Variants in MTCL1 observed in about 807,000 individuals in gnomAD.
MTCL1 encodes the protein microtubule crosslinking factor 1.
A neutral mutation model predicts 141.4 loss-of-function variants in MTCL1; 79 were observed. The ratio of observed to expected loss-of-function variants is 0.56; its 90% confidence interval spans 0.47 to 0.67. MTCL1 has a LOEUF of 0.67. Ranked by LOEUF, MTCL1 falls within the 30% of genes least tolerant of loss-of-function variation. The pLI is 0.00. For missense variants in MTCL1, 2,177 were observed against 2,113.9 expected (o/e 1.03, Z -0.59); for synonymous variants, 914 against 875.8 (o/e 1.04, Z -0.77).
chr18:8,829,844 A>G lies in MTCL1; in HGVS notation c.*18+880A>G, dbSNP rs769874212. The G allele has an allele frequency of 1.0e-5, 10 of 985,146 alleles. No homozygotes were observed. The African/African-American group carries it at 1.4e-4, about 14-fold the overall frequency. The allele number at this position is 985,146 out of a possible 1,614,324, so 61.0% of individuals were successfully genotyped here. ...AAAGCGCAGCATCGTTTGCTTGTAC[A>G]TGCCGGTGTGTTACTAAGGAAAAGG... On this transcript the variant is annotated intron_variant, in intron 16 of 16. Coordinates refer to ENST00000359865, the Ensembl canonical transcript of MTCL1.
At chr18:8,787,030 G>A (rs2096558715) in intron 7 of MTCL1, 1 of 155,356 alleles carries the variant, frequency 6.4e-6, no homozygotes, top group Non-Finnish European at 1.4e-5. Flanking sequence ...TTCAAGGTGT[G>A]TCACACATAG....
chr18:8,819,944 G>C (rs1174287506), intron 13 of MTCL1, among the ~76,000 whole-genome samples: 3 of 152,008 alleles, frequency 2.0e-5, no homozygotes, highest in Non-Finnish European at 2.9e-5. Context: ...ACAGTCTTCT[G>C]AGTCTAGAAA....
At chr18:8,789,489 T>C (rs1252696603) in intron 7 of MTCL1, 16 of 985,354 alleles carry the variant, frequency 1.6e-5, no homozygotes, top group Non-Finnish European at 1.7e-5. Context: ...GGAAGTAATT[T>C]GTAAGCCACT....
exon 1 of MTCL1, chr18:8,706,455 G>A (rs2096058640): frequency 8.1e-7 from 1 of 1,236,090 alleles, no homozygotes; most frequent in Non-Finnish European, 1.0e-6. Flanking sequence ...GCAGCCCCGA[G>A]CCCCCAGCGC....
At chr18:8,780,052 G>A (rs1388628800) in intron 5 of MTCL1, among the ~76,000 whole-genome samples, 1 of 152,152 alleles carries the variant, frequency 6.6e-6, no homozygotes, top group East Asian at 1.9e-4. Flanking sequence ...ATGAGGGGGT[G>A]CAGATAAGCA....
chr18:8,718,117 T>C (rs190153634), intron 2 of MTCL1, among the ~76,000 whole-genome samples: 3 of 152,342 alleles, frequency 2.0e-5, no homozygotes, highest in Admixed American at 1.3e-4. Flanking sequence ...GGTTCAATTA[T>C]CTGCAGAGTT....
At chr18:8,713,138 A>G (rs1002314722), upstream of MTCL1, among the ~76,000 whole-genome samples, 2 of 152,348 alleles carry the variant, frequency 1.3e-5, no homozygotes, top group South Asian at 2.1e-4. Context: ...CTAATTTGAG[A>G]TACATGATAA....
At chr18:8,712,239 A>G (rs1293175228) in intron 1 of MTCL1, among the ~76,000 whole-genome samples, 4 of 152,250 alleles carry the variant, frequency 2.6e-5, no homozygotes, top group Non-Finnish European at 4.4e-5. Context: ...TGCTAGATAC[A>G]AGGGCAGAGA....
intron 4 of MTCL1, among the ~76,000 whole-genome samples, chr18:8,752,263 T>C (rs964407110): frequency 1.3e-5 from 2 of 152,226 alleles, no homozygotes; most frequent in African/African-American, 4.8e-5. Context: ...TGTGTAAATA[T>C]TGTGACTTTA....
At chr18:8,714,946 G>A (rs539410807), upstream of MTCL1, among the ~76,000 whole-genome samples, 22 of 152,156 alleles carry the variant, frequency 1.4e-4, no homozygotes, top group Admixed American at 4.6e-4. Flanking sequence ...ACAGGTGCCC[G>A]CCACCACGCC....
intron 4 of MTCL1, among the ~76,000 whole-genome samples, chr18:8,765,510 G>A (rs1483873848): frequency 1.3e-5 from 2 of 152,208 alleles, no homozygotes; most frequent in African/African-American, 2.4e-5. Flanking sequence ...CCTTGGGCAA[G>A]TCACTTAACC....
At chr18:8,813,219 T>A in exon 12 of MTCL1, 1 of 1,610,622 alleles carries the variant, frequency 6.2e-7, no homozygotes, top group Non-Finnish European at 8.5e-7. Context: ...GGAATTCTTG[T>A]GGAGGATAGA....
chr18:8,789,171 A>G (rs994232017), intron 7 of MTCL1, among the ~76,000 whole-genome samples: 2 of 152,314 alleles, frequency 1.3e-5, no homozygotes, highest in East Asian at 1.9e-4. Flanking sequence ...TTATCCTTCA[A>G]TCAAGGAAGC....
At chr18:8,761,899 C>G (rs1433774165) in intron 4 of MTCL1, among the ~76,000 whole-genome samples, 1 of 152,210 alleles carries the variant, frequency 6.6e-6, no homozygotes, top group Non-Finnish European at 1.5e-5. Context: ...TGGGTGGGGA[C>G]ACAGCCAAAC....
intron 4 of MTCL1, among the ~76,000 whole-genome samples, chr18:8,722,183 G>C (rs538964200): frequency 2.1e-4 from 32 of 152,210 alleles, no homozygotes; most frequent in Admixed American, 5.9e-4. Context: ...TTCTCAGTTT[G>C]AGCCTGACCT....
At chr18:8,742,526 A>G (rs1451925038) in intron 4 of MTCL1, among the ~76,000 whole-genome samples, 1 of 152,104 alleles carries the variant, frequency 6.6e-6, no homozygotes, top group Non-Finnish European at 1.5e-5. Flanking sequence ...CCCTTATAAA[A>G]CCATCAGATC....
Position 8,798,214 on chromosome 18 carries a change from TC to T in MTCL1, c.2363del (p.Pro788HisfsTer93). 6.3e-7 allele frequency: 1 copy of T among 1,598,968 alleles called. No individual in the cohort carries two copies. The highest frequency in any genetic ancestry group is 8.5e-7 in the Non-Finnish European group (1 of 1,173,260). On this transcript the variant is annotated frameshift_variant, in exon 10 of 17. Coordinates refer to ENST00000359865, the Ensembl canonical transcript of MTCL1. LOFTEE classifies it high-confidence loss of function. ...CTGTGGCTTTCCAGTGGGGGAGCAC[TC>T]CCCACACTCCCGGGTGCAGATTGGA... is the stretch of plus-strand genomic sequence containing the variant.
At chr18:8,736,823 G>A (rs1391079784) in intron 4 of MTCL1, among the ~76,000 whole-genome samples, 1 of 151,892 alleles carries the variant, frequency 6.6e-6, no homozygotes, top group African/African-American at 2.4e-5. Context: ...TAGTTTTTTA[G>A]TAGAGACGGG....
chr18:8,759,501 T>C (rs1022676991), intron 4 of MTCL1, among the ~76,000 whole-genome samples: 4 of 152,184 alleles, frequency 2.6e-5, no homozygotes, highest in African/African-American at 9.7e-5. Flanking sequence ...TGTGCTTAGA[T>C]CATTTTGAGA....
Sources: allele counts gnomAD v4.1 joint callset (sites outside exome capture counted in the v4.1 genomes callset), GRCh38; gene constraint gnomAD v4.1.1; transcripts MANE v1.5; gene names NCBI Gene and HGNC (gene_info 2026-07-23, HGNC 2026-07-21).